The following NEK6 variants were observed in gnomAD, a reference collection of about 807,000 sequenced individuals.
NEK6 encodes NIMA related kinase 6.
In NEK6, 27 loss-of-function variants were observed where a neutral mutation model predicts 43.5. The ratio of observed to expected loss-of-function variants is 0.62; its 90% CI spans 0.46 to 0.86. The LOEUF is 0.86. Among genes scored for constraint, NEK6 ranks in the 40% least tolerant of loss-of-function variants. The probability of loss-of-function intolerance (pLI) is 0.00; values close to 1 mark genes in which losing one functional copy is unlikely to be tolerated. For missense variants in NEK6, 318 were observed against 414.4 expected (o/e 0.77, Z 2.02); for synonymous variants, 167 against 164.1 (o/e 1.02, Z -0.14).
intron 7 of NEK6, among the ~76,000 whole-genome samples, chr9:124,335,038 G>C (rs1829217146): frequency 6.6e-6 from 1 of 152,086 alleles, no homozygotes; most frequent in Admixed American, 6.5e-5. Context: ...CTCTCACTGG[G>C]GACAGGACTC....
rs889447919 is a variant in NEK6 at position 124,301,424 on chromosome 9, G to A, written c.-29-512G>A. ...GGCCCTGGCCTTCCCTGTGTCACAC[G>A]TGTGGTGCGCCAGGGCCCAGCCAGG... On this transcript the variant is annotated intron_variant, in intron 1 of 9. Coordinates refer to ENST00000320246, the MANE Select transcript of NEK6 (RefSeq NM_014397.6). 1.2e-4 allele frequency among the ~76,000 whole-genome samples: 19 copies of A among 152,284 alleles called. No individual in the cohort carries two copies. The East Asian group carries it at 1.7e-3, about 14-fold the overall frequency.
chr9:124,348,378 CTA>C (rs1830064376), intron 9 of NEK6, among the ~76,000 whole-genome samples: 1 of 152,218 alleles, frequency 6.6e-6, no homozygotes, highest in Non-Finnish European at 1.5e-5. Context: ...GTACCAGTTA[CTA>C]GGAATGTGTG....
intron 1 of NEK6, chr9:124,292,773 C>G: frequency 7.7e-7 from 1 of 1,300,194 alleles, no homozygotes; most frequent in East Asian, 2.6e-5. Flanking sequence ...AGTTACCCAG[C>G]CTCTCCTCTG....
intron 4 of NEK6, among the ~76,000 whole-genome samples, chr9:124,315,817 A>G (rs1388494935): frequency 6.6e-6 from 1 of 152,244 alleles, no homozygotes; most frequent in Non-Finnish European, 1.5e-5. Context: ...CAAGGGCACC[A>G]AGCCGGGGTT....
At chr9:124,347,923 C>T in intron 9 of NEK6, 101 bp downstream of exon 9, 1 of 683,426 alleles carries the variant, frequency 1.5e-6, no homozygotes, top group Non-Finnish European at 2.6e-6. Context: ...AGGTTAGGCT[C>T]ACTTTACACG....
At chr9:124,273,348 T>C (rs1207956283) in intron 1 of NEK6, among the ~76,000 whole-genome samples, 1 of 152,144 alleles carries the variant, frequency 6.6e-6, no homozygotes, top group Non-Finnish European at 1.5e-5. Flanking sequence ...CAGGGCTTGA[T>C]CCCGAATGGG....
chr9:124,323,710 C>T (rs916262348), intron 5 of NEK6, among the ~76,000 whole-genome samples: 10 of 152,110 alleles, frequency 6.6e-5, no homozygotes, highest in African/African-American at 1.7e-4. Context: ...ACCCTGTCCC[C>T]GGGAACCTCT....
In NEK6 at chr9:124,335,951, A is replaced by C. The variant is rs1829269719; in HGVS notation, c.623-3620A>C. On this transcript the variant is annotated intron_variant, in intron 7 of 9. Transcript: ENST00000320246. Reference sequence around the variant, plus strand: ...ATAGTGAGAACCTCTCTCTACAAAGAATTTTAGGCGGGGCGTGGTGGCTCA... The same window carrying C: ...ATAGTGAGAACCTCTCTCTACAAAGCATTTTAGGCGGGGCGTGGTGGCTCA... Among the ~76,000 whole-genome samples, 3 of 152,174 alleles carry C rather than the reference A, an allele frequency of 2.0e-5. No individual in the cohort carries two copies. The South Asian group carries it at 6.2e-4, about 31-fold the overall frequency.
intron 1 of NEK6, among the ~76,000 whole-genome samples, chr9:124,285,894 T>G (rs547830449): frequency 6.6e-6 from 1 of 152,198 alleles, no homozygotes; most frequent in Non-Finnish European, 1.5e-5. Flanking sequence ...AAGGCTGTTA[T>G]GAGGATTAAA....
chr9:124,301,810 C>A (rs994033359), intron 1 of NEK6, 126 bp from the exon 2 acceptor site: 1 of 755,916 alleles, frequency 1.3e-6, no homozygotes, highest in African/African-American at 1.7e-5. Context: ...GCTGGGTGAC[C>A]GTGGGCAAAT....
intron 9 of NEK6, among the ~76,000 whole-genome samples, chr9:124,348,583 A>G (rs899890124): frequency 6.6e-6 from 1 of 152,158 alleles, no homozygotes. Flanking sequence ...CACCTATACA[A>G]TGGGGATAAT....
chr9:124,349,116 G>A (rs1459216058), intron 9 of NEK6, among the ~76,000 whole-genome samples: 2 of 152,224 alleles, frequency 1.3e-5, no homozygotes, highest in South Asian at 2.1e-4. Context: ...GCTTGCTGGC[G>A]TTGCAGACTC....
At position 124,271,426 on chromosome 9, in the gene NEK6, A is replaced by G. The variant is rs367929753; in HGVS notation, c.-30+13341A>G. On this transcript the variant is annotated intron_variant, in intron 1 of 9. Coordinates refer to ENST00000320246, the MANE Select transcript of NEK6 (RefSeq NM_014397.6). ...AGTGACGTCTGGTTACTCTGAAAAC[A>G]TGGACAAGGAGGCTCAGGTGAGGGG... 3.5e-4 allele frequency among the ~76,000 whole-genome samples: 53 copies of G among 152,358 alleles called. 1 individual carries two copies. The South Asian group carries it at 0.011, about 31-fold the overall frequency.
At chr9:124,269,949 G>A (rs1273830597) in intron 1 of NEK6, among the ~76,000 whole-genome samples, 1 of 152,148 alleles carries the variant, frequency 6.6e-6, no homozygotes, top group Non-Finnish European at 1.5e-5. Flanking sequence ...GTCTCCCACA[G>A]TCCAGCCAGT....
At position 124,324,782 on chromosome 9, in the gene NEK6, C is replaced by G. The variant is rs1444190341; in HGVS notation, c.406-1548C>G. On this transcript the variant is annotated intron_variant, in intron 5 of 9. Transcript: ENST00000320246. The surrounding 1 kb of genome is among the most constrained non-coding windows in gnomAD (Gnocchi z 5.3). ...TGCGACTGTCCCACCGTGGGAAGCACCCAGACCTGGGTCCCAGCTGGGTGC... is the reference window on the plus strand; with the variant it reads ...TGCGACTGTCCCACCGTGGGAAGCAGCCAGACCTGGGTCCCAGCTGGGTGC... Among the ~76,000 whole-genome samples the G allele has an allele frequency of 5.3e-5, 8 of 152,146 alleles. No homozygotes were observed. Among genetic ancestry groups the G allele is most frequent in the Admixed American group, 5.2e-4 (8 of 15,274 alleles).
At position 124,352,215 on chromosome 9, in the gene NEK6, G is replaced by A. The variant is rs1830310908; in HGVS notation, c.*1268G>A. 1 of 152,546 alleles carries A rather than the reference G, an allele frequency of 6.6e-6. No homozygotes were observed. Among genetic ancestry groups the A allele is most frequent in the Non-Finnish European group, 1.5e-5 (1 of 68,042 alleles). 9.4% of individuals were successfully genotyped at this position (152,546 alleles called of 1,614,324 possible). ...CAGACAAGAGCAGCGCTGGCATCGG[G>A]CAGGTGATTCCTGACACCTGCTGCC... On this transcript the variant is annotated 3_prime_UTR_variant, in exon 10 of 10. Coordinates refer to ENST00000320246, the MANE Select transcript of NEK6 (RefSeq NM_014397.6).
chr9:124,352,308 A>C lies in NEK6; in HGVS notation c.*1361A>C, dbSNP rs1179746798. On this transcript the variant is annotated 3_prime_UTR_variant, in exon 10 of 10. Coordinates refer to ENST00000320246, the MANE Select transcript of NEK6 (RefSeq NM_014397.6). ...AGGGCCGGGCGGCTGCTGTTTCCAC[A>C]CGTGGACTCGGATCTGCTGTGACAC... The C allele has an allele frequency of 1.3e-5, 2 of 152,290 alleles. No individual in the cohort carries two copies. The highest frequency in any genetic ancestry group is 3.9e-4 in the East Asian group (2 of 5,184). The allele number at this position is 152,290 out of a possible 1,614,324, so 9.4% of individuals were successfully genotyped here.
chr9:124,289,190 CACACA>C (rs1161424862), intron 1 of NEK6, among the ~76,000 whole-genome samples: 2 of 536 alleles, frequency 3.7e-3, no homozygotes, highest in African/African-American at 8.9e-3. Context: ...CCCCCCGCCA[CACACA>C]CACACACACA....
At chr9:124,332,562 C>T (rs112668920) in intron 7 of NEK6, among the ~76,000 whole-genome samples, 3 of 152,196 alleles carry the variant, frequency 2.0e-5, no homozygotes, top group African/African-American at 7.2e-5. Flanking sequence ...GCCGGCTGGA[C>T]GGATGTCAGC....
Sources: gnomAD v4.1 joint callset for allele counts (sites outside exome capture counted in the v4.1 genomes callset) on GRCh38, gnomAD v4.1.1 for gene constraint, Gnocchi (gnomAD v3.1) non-coding constraint, MANE v1.5 for transcripts, NCBI Gene and HGNC (gene_info 2026-07-23, HGNC 2026-07-21) for gene names.